PDZRN4: variants seen among roughly 807,000 people sequenced by gnomAD.
PDZRN4 encodes PDZ domain-containing RING finger protein 4.
Under a neutral mutation model 99.0 loss-of-function variants are expected in PDZRN4, and 70 were observed. That is an observed-to-expected ratio of 0.71 (90% CI 0.58 to 0.86). PDZRN4 has a LOEUF of 0.86. Among genes scored for constraint, PDZRN4 ranks in the 40% least tolerant of loss-of-function variants. PDZRN4 has a pLI of 0.00. For missense variants in PDZRN4, 1,474 were observed against 1,331.2 expected (o/e 1.11, Z -1.67); for synonymous variants, 551 against 501.6 (o/e 1.10, Z -1.32).
intron 3 of PDZRN4, among the ~76,000 whole-genome samples, chr12:41,364,703 A>G (rs925587240): frequency 3.9e-5 from 6 of 152,090 alleles, no homozygotes; most frequent in Non-Finnish European, 5.9e-5. Context: ...CAGTTGCTAG[A>G]TGACAGATCA....
intron 3 of PDZRN4, among the ~76,000 whole-genome samples, chr12:41,434,261 G>T (rs1309996605): frequency 6.6e-6 from 1 of 151,960 alleles, no homozygotes; most frequent in Non-Finnish European, 1.5e-5. Context: ...CATCCCCATG[G>T]TTTAGCTTAA....
chr12:41,386,189 C>A (rs113581495), intron 3 of PDZRN4, among the ~76,000 whole-genome samples: 1,826 of 152,232 alleles, frequency 0.012, 41 homozygotes, highest in African/African-American at 0.042. Context: ...CCATCTATGA[C>A]AAACCCAAAC....
intron 4 of PDZRN4, among the ~76,000 whole-genome samples, chr12:41,508,132 A>G (rs1352116191): frequency 6.6e-6 from 1 of 152,136 alleles, no homozygotes; most frequent in South Asian, 2.1e-4. Context: ...TATATTATCA[A>G]CATTCTATGT....
intron 3 of PDZRN4, among the ~76,000 whole-genome samples, chr12:41,438,435 A>C (rs1476225237): frequency 6.6e-6 from 1 of 152,190 alleles, no homozygotes; most frequent in Non-Finnish European, 1.5e-5. Context: ...TTTCCTGCCA[A>C]ATCCTGTTAG....
Position 41,541,471 on chromosome 12 carries a change from C to T in PDZRN4, c.1204-11185C>T, listed in dbSNP as rs1489779050. On this transcript the variant is annotated intron_variant, in intron 5 of 9. Transcript: ENST00000402685. ...AGACTTTTTTTTTTTTTTTTTGAGA[C>T]GGAGTCTTGCTCTGTCGCCCAGGCT... 6.4e-5 allele frequency among the ~76,000 whole-genome samples: 9 copies of T among 139,778 alleles called. No individual in the cohort carries two copies. The East Asian group carries it at 8.4e-4, about 13-fold the overall frequency. The allele number at this position is 139,778 out of a possible 152,430, so 91.7% of individuals were successfully genotyped here. A position where few individuals can be genotyped will look rare whatever the true frequency, so the allele number is the denominator to read the frequency against.
At chr12:41,197,919 G>GTTTTTTTTTTTTTTTTTTT (rs764851464) in intron 3 of PDZRN4, among the ~76,000 whole-genome samples, 20 of 113,454 alleles carry the variant, frequency 1.8e-4, no homozygotes, top group East Asian at 2.7e-4. Context: ...GTTTTTTCTG[G>GTTTTTTTTTTTTTTTTTTT]GTTTTTTTTT....
intron 3 of PDZRN4, among the ~76,000 whole-genome samples, chr12:41,336,256 T>C (rs977379114): frequency 6.6e-6 from 1 of 152,118 alleles, no homozygotes; most frequent in African/African-American, 2.4e-5. Flanking sequence ...GGTTGCTAAG[T>C]AGATGCTTTG....
intron 5 of PDZRN4, among the ~76,000 whole-genome samples, chr12:41,514,466 A>AT (rs1361646151): frequency 1.3e-5 from 2 of 151,988 alleles, no homozygotes; most frequent in African/African-American, 4.8e-5. Context: ...ATTCTATCAT[A>AT]TTTTTTGAGC....
intron 3 of PDZRN4, among the ~76,000 whole-genome samples, chr12:41,297,860 T>G (rs1226131371): frequency 6.6e-6 from 1 of 152,162 alleles, no homozygotes; most frequent in Non-Finnish European, 1.5e-5. Context: ...AATGTGATAT[T>G]TAATTATAGT....
intron 3 of PDZRN4, among the ~76,000 whole-genome samples, chr12:41,212,505 T>A (rs117690955): frequency 0.024 from 3,627 of 152,182 alleles, 70 homozygotes; most frequent in Middle Eastern, 0.092. Context: ...AATTGATAAC[T>A]TCTGTGAAGA....
chr12:41,358,484 T>C (rs889403104), intron 3 of PDZRN4, among the ~76,000 whole-genome samples: 1 of 152,022 alleles, frequency 6.6e-6, no homozygotes. Flanking sequence ...CTTACTTTCA[T>C]ATCTACTCAC....
chr12:41,562,443 AGAATG>A (rs1303434618), intron 7 of PDZRN4, among the ~76,000 whole-genome samples: 1 of 152,192 alleles, frequency 6.6e-6, no homozygotes, highest in East Asian at 1.9e-4. Flanking sequence ...TATTGAAAAA[AGAATG>A]GTCAGTGCTG....
chr12:41,573,889 G>T lies in PDZRN4; in HGVS notation c.3110G>T (p.Ter1037LeuextTer9). ...HNAFLSVTTV[*>L] The stretch of plus-strand genomic sequence containing the variant: ...GCCTTCTTGTCGGTGACCACTGTAT[G>T]ACCGAATGAATGGAATGCATGCGAC... Residue 1037 changes from the stop codon to leucine (L), a stop_lost, in exon 10 of 10, where the codon TGA becomes TTA. Transcript: ENST00000402685. 1 of 1,542,250 alleles carries T rather than the reference G, an allele frequency of 6.5e-7. No individual in the cohort carries two copies. Among genetic ancestry groups the T allele is most frequent in the Non-Finnish European group, 8.7e-7 (1 of 1,147,920 alleles).
intron 3 of PDZRN4, among the ~76,000 whole-genome samples, chr12:41,401,385 G>A (rs73274480): frequency 2.0e-5 from 3 of 152,060 alleles, no homozygotes; most frequent in Non-Finnish European, 4.4e-5. Flanking sequence ...GCATGTTTCA[G>A]TTTTCTTTTA....
intron 3 of PDZRN4, among the ~76,000 whole-genome samples, chr12:41,395,948 A>AT (rs1012272709): frequency 3.3e-5 from 5 of 152,068 alleles, no homozygotes; most frequent in Non-Finnish European, 7.4e-5. Context: ...CTCAGAAGGC[A>AT]TTTTTTTAAT....
At chr12:41,548,155 C>T (rs1219218846) in intron 5 of PDZRN4, among the ~76,000 whole-genome samples, 3 of 152,080 alleles carry the variant, frequency 2.0e-5, no homozygotes, top group African/African-American at 4.8e-5. Context: ...AGGGTGCAAA[C>T]CTGAAATGTT....
chr12:41,418,164 T>C (rs1472063946), intron 3 of PDZRN4, among the ~76,000 whole-genome samples: 1 of 152,210 alleles, frequency 6.6e-6, no homozygotes, highest in African/African-American at 2.4e-5. Context: ...ATAACTGACA[T>C]TGACAAACAA....
chr12:41,261,551 G>A (rs575759506), intron 3 of PDZRN4, among the ~76,000 whole-genome samples: 14 of 152,270 alleles, frequency 9.2e-5, no homozygotes, highest in Middle Eastern at 3.4e-3. Context: ...GTGCCGTGGC[G>A]CGATCTCGGC....
chr12:41,529,750 A>G (rs1282724189), intron 5 of PDZRN4, among the ~76,000 whole-genome samples: 1 of 152,168 alleles, frequency 6.6e-6, no homozygotes, highest in East Asian at 1.9e-4. Flanking sequence ...ATCCTTCCAG[A>G]AGATTCTGAG....
Sources: allele counts gnomAD v4.1 joint callset (sites outside exome capture counted in the v4.1 genomes callset), GRCh38; gene constraint gnomAD v4.1.1; transcripts MANE v1.5; gene names NCBI Gene and HGNC (gene_info 2026-07-23, HGNC 2026-07-21).